The following CROT variants were observed in gnomAD, a reference collection of about 807,000 sequenced individuals.
CROT encodes carnitine O-octanoyltransferase.
Under a neutral mutation model 89.2 loss-of-function variants are expected in CROT, and 84 were observed. The ratio of observed to expected loss-of-function variants is 0.94; its 90% CI spans 0.79 to 1.13. The LOEUF (loss-of-function observed/expected upper bound fraction) is 1.13. Ranked by LOEUF, CROT falls within the 50% of genes most tolerant of loss-of-function variation. CROT has a pLI of 0.00. For synonymous variants in CROT, 212 were observed against 239.5 expected (o/e 0.89, Z 1.06); for missense variants, 711 against 727.8 (o/e 0.98, Z 0.27).
intron 7 of CROT, among the ~76,000 whole-genome samples, chr7:87,372,351 T>C (rs1311577665): frequency 6.6e-6 from 1 of 152,236 alleles, no homozygotes; most frequent in Non-Finnish European, 1.5e-5. Context: ...TTTTAATCAT[T>C]TGCTTTTGTA....
At chr7:87,393,303 G>A (rs947349463) in intron 17 of CROT, among the ~76,000 whole-genome samples, 3 of 152,038 alleles carry the variant, frequency 2.0e-5, no homozygotes, top group Admixed American at 6.6e-5. Flanking sequence ...GTTTCAAGTC[G>A]ATTCGGCAAT....
chr7:87,357,206 A>G (rs1475538230), intron 3 of CROT, among the ~76,000 whole-genome samples: 4 of 152,176 alleles, frequency 2.6e-5, no homozygotes, highest in Non-Finnish European at 5.9e-5. Flanking sequence ...CAAGTTGGGA[A>G]GTGATGAGAA....
intron 3 of CROT, among the ~76,000 whole-genome samples, chr7:87,355,975 A>G (rs376980579): frequency 1.3e-5 from 2 of 152,094 alleles, no homozygotes; most frequent in Non-Finnish European, 2.9e-5. Context: ...AAATCATTCC[A>G]CAATTTTATT....
intron 17 of CROT, 113 bp from the exon 18 acceptor site, chr7:87,398,411 C>A: frequency 7.6e-7 from 1 of 1,315,150 alleles, no homozygotes; most frequent in Non-Finnish European, 1.1e-6. Context: ...CTAATGTCAG[C>A]AAGACTTCAC....
intron 13 of CROT, among the ~76,000 whole-genome samples, chr7:87,388,301 A>G (rs1807244602): frequency 6.6e-6 from 1 of 152,228 alleles, no homozygotes; most frequent in Non-Finnish European, 1.5e-5. Flanking sequence ...GAACCAAAAA[A>G]GAGCCTGTAT....
chr7:87,359,855 T>G, intron 4 of CROT: 1 of 985,704 alleles, frequency 1.0e-6, no homozygotes, highest in Non-Finnish European at 1.2e-6. Flanking sequence ...TCCACAAAAT[T>G]CTTTAACTTC....
rs751006687 is a variant in CROT at position 87,375,832 on chromosome 7, G to A, written c.755G>A (p.Arg252Gln). Residue 252 changes from arginine to glutamine, a missense_variant, in exon 9 of 18, where the codon CGA becomes CAA. Transcript: ENST00000331536. Reference protein sequence around the residue: ...SEERTRWAKAREYLIGLDPEN... With the variant: ...SEERTRWAKAQEYLIGLDPEN... ...CATCATCTCCTTGCCCTTTAGGCACGAGAATATCTGATTGGTCTTGATCCA... is the reference window on the plus strand; with the variant it reads ...CATCATCTCCTTGCCCTTTAGGCACAAGAATATCTGATTGGTCTTGATCCA... 20 of 1,613,392 alleles carry A rather than the reference G, an allele frequency of 1.2e-5. No individual in the cohort carries two copies. Among genetic ancestry groups the A allele is most frequent in the African/African-American group, 5.3e-5 (4 of 75,036 alleles).
chr7:87,393,642 T>C (rs1405922320), intron 17 of CROT, among the ~76,000 whole-genome samples: 1 of 152,152 alleles, frequency 6.6e-6, no homozygotes, highest in Non-Finnish European at 1.5e-5. Context: ...TTATCTACAG[T>C]CTGGCAGTCT....
At chr7:87,378,527 G>C (rs985685511) in intron 10 of CROT, among the ~76,000 whole-genome samples, 2 of 151,938 alleles carry the variant, frequency 1.3e-5, no homozygotes, top group African/African-American at 2.4e-5. Context: ...CCCATTTTTT[G>C]GTACTGCTTT....
At chr7:87,382,321 G>T in intron 12 of CROT, 92 bp from the exon 13 acceptor site, 1 of 1,450,118 alleles carries the variant, frequency 6.9e-7, no homozygotes, top group Non-Finnish European at 9.5e-7. Context: ...TTTATGTCTG[G>T]TGATTACTTT....
Position 87,393,057 on chromosome 7 carries a change from A to G in CROT, c.1708A>G (p.Arg570Gly). 1 of 1,613,250 alleles carries G rather than the reference A, an allele frequency of 6.2e-7. No homozygotes were observed. The highest frequency in any genetic ancestry group is 8.5e-7 in the Non-Finnish European group (1 of 1,179,496). Reference sequence around the variant, plus strand: ...TGGTTATGGATTTTTCTACCATATCAGAGATGACAGGTGAGGCTTCTCTTT... The same window carrying G: ...TGGTTATGGATTTTTCTACCATATCGGAGATGACAGGTGAGGCTTCTCTTT... ...HNGYGFFYHI[R>G]DDRFVVACSA... The change falls in exon 17 of 18, where the codon AGA becomes GGA. Residue 570 changes from arginine to glycine, a missense_variant. Transcript: ENST00000331536.
chr7:87,381,437 G>A (rs923034192), intron 10 of CROT, among the ~76,000 whole-genome samples: 3 of 152,040 alleles, frequency 2.0e-5, no homozygotes, highest in Non-Finnish European at 2.9e-5. Context: ...AACACAAAAT[G>A]GTTATGCTTT....
chr7:87,392,682 CATG>C (rs1017734165), intron 15 of CROT, 38 bp downstream of exon 15: 2 of 1,609,506 alleles, frequency 1.2e-6, no homozygotes, highest in Non-Finnish European at 1.7e-6. Flanking sequence ...AAAAATCTCT[CATG>C]GTGAAAAATT....
chr7:87,357,567 A>G (rs1300691301), intron 3 of CROT: 1 of 1,362,324 alleles, frequency 7.3e-7, no homozygotes, highest in Non-Finnish European at 1.0e-6. Context: ...GGGTTCTTGG[A>G]TCTCACGCGG....
At chr7:87,398,206 T>C (rs1221372712) in intron 17 of CROT, 10 of 487,954 alleles carry the variant, frequency 2.0e-5, no homozygotes, top group Admixed American at 5.1e-5. Flanking sequence ...CCAGTAGCAC[T>C]TTAGGAAGGA....
intron 9 of CROT, 50 bp from the exon 10 acceptor site, chr7:87,377,299 A>C: frequency 8.6e-7 from 1 of 1,160,588 alleles, no homozygotes; most frequent in Non-Finnish European, 1.2e-6. Context: ...GTAAATTCTT[A>C]CAAACCAATA....
At chr7:87,355,774 G>A (rs1806048955) in intron 3 of CROT, among the ~76,000 whole-genome samples, 1 of 152,032 alleles carries the variant, frequency 6.6e-6, no homozygotes, top group Non-Finnish European at 1.5e-5. Context: ...CCTCAACCTG[G>A]GGAATATGAG....
chr7:87,379,772 G>A (rs1333239857), intron 10 of CROT, among the ~76,000 whole-genome samples: 1 of 152,162 alleles, frequency 6.6e-6, no homozygotes, highest in Non-Finnish European at 1.5e-5. Context: ...AACCTAAGAT[G>A]ATTATAGAGG....
intron 3 of CROT, among the ~76,000 whole-genome samples, chr7:87,352,157 T>C (rs995442500): frequency 2.6e-5 from 4 of 152,240 alleles, no homozygotes; most frequent in Non-Finnish European, 4.4e-5. Context: ...GTGTTTTGGA[T>C]GCCCTTTGGC....
Sources: gnomAD v4.1 joint callset for allele counts (sites outside exome capture counted in the v4.1 genomes callset) on GRCh38, gnomAD v4.1.1 for gene constraint, MANE v1.5 for transcripts, NCBI Gene and HGNC (gene_info 2026-07-23, HGNC 2026-07-21) for gene names.